CAMK1D: variants seen among roughly 807,000 people sequenced by gnomAD.
The protein encoded by CAMK1D is calcium/calmodulin-dependent protein kinase type 1D.
CAMK1D carries 9 observed loss-of-function variants against 47.7 expected under a neutral mutation model. The ratio of observed to expected loss-of-function variants is 0.19; its 90% CI spans 0.11 to 0.33. The LOEUF is 0.33. Among genes scored for constraint, CAMK1D ranks in the 10% least tolerant of loss-of-function variants. CAMK1D has a pLI of 1.00. For synonymous variants in CAMK1D, 184 were observed against 184.9 expected, an observed-to-expected ratio of 0.99 and a Z score of 0.04; for missense variants, 291 against 488.7, an observed-to-expected ratio of 0.60 and a Z score of 3.81.
intron 1 of CAMK1D, among the ~76,000 whole-genome samples, chr10:12,513,193 C>A (rs1055128920): frequency 6.6e-6 from 1 of 152,200 alleles, no homozygotes; most frequent in South Asian, 2.1e-4. Flanking sequence ...CAACAAGAGG[C>A]CTTCCTGAAT....
At chr10:12,414,166 AT>A (rs1355890432) in intron 1 of CAMK1D, among the ~76,000 whole-genome samples, 1 of 152,186 alleles carries the variant, frequency 6.6e-6, no homozygotes, top group Non-Finnish European at 1.5e-5. Context: ...TTAATTTGAA[AT>A]TTCCTCCCTC....
intron 1 of CAMK1D, among the ~76,000 whole-genome samples, chr10:12,502,956 T>C (rs567410508): frequency 1.3e-5 from 2 of 152,338 alleles, no homozygotes; most frequent in African/African-American, 4.8e-5. Flanking sequence ...GTTCTCCCCA[T>C]TGGCACAGGC....
chr10:12,651,337 C>G (rs1295304337), intron 2 of CAMK1D, among the ~76,000 whole-genome samples: 1 of 152,194 alleles, frequency 6.6e-6, no homozygotes, highest in African/African-American at 2.4e-5. Context: ...ATGCGCACAT[C>G]TCCGCCTTTG....
intron 2 of CAMK1D, among the ~76,000 whole-genome samples, chr10:12,555,434 G>A (rs2815628): frequency 0.33 from 50,071 of 152,100 alleles, 8,220 homozygotes; most frequent in Middle Eastern, 0.47. Context: ...TAGTTTGGTC[G>A]TTTCTAGGTT....
intron 10 of CAMK1D, among the ~76,000 whole-genome samples, chr10:12,827,681 T>TTCTCCTC (rs1833307092): frequency 8.3e-6 from 1 of 120,528 alleles, no homozygotes; most frequent in Admixed American, 1.0e-4. Context: ...CCCCTCTCCT[T>TTCTCCTC]TCTCCTCTCT....
intron 1 of CAMK1D, among the ~76,000 whole-genome samples, chr10:12,500,202 G>T (rs1226410059): frequency 2.0e-5 from 3 of 152,180 alleles, no homozygotes; most frequent in Non-Finnish European, 4.4e-5. Flanking sequence ...GAAGGTGGAG[G>T]TTGCAGTGAG....
intron 2 of CAMK1D, among the ~76,000 whole-genome samples, chr10:12,624,420 CCCTGAAAACCA>C (rs1839142344): frequency 6.6e-6 from 1 of 152,162 alleles, no homozygotes; most frequent in African/African-American, 2.4e-5. Flanking sequence ...CCCGTCAAGT[CCCTGAAAACCA>C]CCTCTCCACT....
chr10:12,385,370 G>A (rs1161307297), intron 1 of CAMK1D, among the ~76,000 whole-genome samples: 1 of 152,180 alleles, frequency 6.6e-6, no homozygotes, highest in Admixed American at 6.5e-5. Context: ...TGGATGAATG[G>A]AAAAAGAAAG....
chr10:12,483,403 G>A (rs1241337723), intron 1 of CAMK1D, among the ~76,000 whole-genome samples: 1 of 152,082 alleles, frequency 6.6e-6, no homozygotes, highest in Admixed American at 6.6e-5. Context: ...GTCTTGCTGT[G>A]TTGCCCAGGC....
chr10:12,440,794 T>C (rs1368590286), intron 1 of CAMK1D, among the ~76,000 whole-genome samples: 1 of 152,214 alleles, frequency 6.6e-6, no homozygotes, highest in East Asian at 1.9e-4. Context: ...AAAAATGATC[T>C]GTATATATGA....
At chr10:12,744,453 G>A (rs1835573448) in intron 3 of CAMK1D, among the ~76,000 whole-genome samples, 1 of 149,434 alleles carries the variant, frequency 6.7e-6, no homozygotes, top group Admixed American at 6.6e-5. Context: ...AGCAATGGGT[G>A]AGGTTCCACT....
chr10:12,666,612 C>T (rs946400394), intron 2 of CAMK1D, 124 bp from the exon 3 acceptor site: 3 of 737,954 alleles, frequency 4.1e-6, no homozygotes, highest in African/African-American at 3.5e-5. Context: ...ATTGTGAAGT[C>T]TGAAATCTTT....
At position 12,824,468 on chromosome 10, in the gene CAMK1D, C is replaced by T. The variant is rs200034782; in HGVS notation, c.837C>T (p.Ile279=). The part of the protein sequence containing the change: ...TCEQAARHPW[I]AGDTALNKNI... The stretch of plus-strand genomic sequence containing the variant: ...AGCACCTTTGCCTCTGTTTCAGGAT[C>T]GCTGGTGACACAGCCCTCAACAAAA... Residue 279 remains isoleucine, a synonymous_variant, in exon 9 of 11, where the codon ATC becomes ATT. Coordinates refer to ENST00000619168, the MANE Select transcript of CAMK1D (RefSeq NM_153498.4). The T allele has an allele frequency of 5.6e-6, 9 of 1,613,912 alleles. No homozygotes were observed. Among genetic ancestry groups the T allele is most frequent in the East Asian group, 2.2e-5 (1 of 44,858 alleles).
intron 2 of CAMK1D, among the ~76,000 whole-genome samples, chr10:12,658,248 G>A (rs754339477): frequency 1.3e-5 from 2 of 152,186 alleles, no homozygotes; most frequent in Non-Finnish European, 2.9e-5. Flanking sequence ...AGAGAAATGA[G>A]TCTTAAAGGA....
intron 1 of CAMK1D, among the ~76,000 whole-genome samples, chr10:12,497,940 C>A (rs758655404): frequency 6.6e-6 from 1 of 152,074 alleles, no homozygotes; most frequent in East Asian, 1.9e-4. Context: ...ACAGTCATGG[C>A]GGAAGGTGAA....
Position 12,835,536 on chromosome 10 carries a change from A to G in CAMK1D, c.*6649A>G, listed in dbSNP as rs1236086627. On this transcript the variant is annotated 3_prime_UTR_variant, in exon 11 of 11. Transcript: ENST00000619168. ...TGTTTTCCTCCAATAAAGACAATTA[A>G]TCACCTTCAGATGCTCATTTCCTCT... The G allele has an allele frequency of 1.3e-5, 2 of 152,344 alleles. No homozygotes were observed. The highest frequency in any genetic ancestry group is 4.8e-5 in the African/African-American group (2 of 41,576). 9.4% of individuals were successfully genotyped at this position (152,344 alleles called of 1,614,324 possible).
At chr10:12,462,273 C>A in intron 1 of CAMK1D, among the ~76,000 whole-genome samples, 1 of 148,720 alleles carries the variant, frequency 6.7e-6, no homozygotes, top group African/African-American at 2.5e-5. Flanking sequence ...TCAAGCAATT[C>A]TCCTGCCTTA....
At chr10:12,569,463 C>T (rs1286634701) in intron 2 of CAMK1D, among the ~76,000 whole-genome samples, 1 of 151,682 alleles carries the variant, frequency 6.6e-6, no homozygotes, top group East Asian at 1.9e-4. Flanking sequence ...GTAGTCCCAG[C>T]ACTTCGGGAG....
chr10:12,607,614 T>C (rs1838499592), intron 2 of CAMK1D, among the ~76,000 whole-genome samples: 1 of 152,204 alleles, frequency 6.6e-6, no homozygotes, highest in South Asian at 2.1e-4. Context: ...TGAAGATGGT[T>C]CAAATGTATC....
Sources: gnomAD v4.1 joint callset for allele counts (sites outside exome capture counted in the v4.1 genomes callset) on GRCh38, gnomAD v4.1.1 for gene constraint, MANE v1.5 for transcripts, NCBI Gene and HGNC (gene_info 2026-07-23, HGNC 2026-07-21) for gene names.